The following CCL14 variants were observed in gnomAD, a reference collection of about 807,000 sequenced individuals.
CCL14 encodes the protein C-C motif chemokine ligand 14.
In CCL14, 8 loss-of-function variants were observed where a neutral mutation model predicts 8.2. The ratio of observed to expected loss-of-function variants is 0.98; its 90% confidence interval spans 0.57 to 1.76. The LOEUF is 1.76. Among genes scored for constraint, CCL14 ranks in the 40% most tolerant of loss-of-function variants. The pLI, the probability that CCL14 is intolerant of heterozygous loss-of-function variation, is 0.00. For synonymous variants in CCL14, 50 were observed against 43.2 expected (o/e 1.16, Z -0.62); for missense variants, 127 against 118.3 (o/e 1.07, Z -0.34).
At position 35,986,563 on chromosome 17, in the gene CCL14, G is replaced by A. The variant is rs183367107; in HGVS notation, c.79+8C>T. 3.7e-6 allele frequency: 6 copies of A among 1,609,144 alleles called. No homozygotes were observed. The South Asian group carries it at 4.4e-5, about 12-fold the overall frequency. On this transcript the variant is annotated splice_region_variant and intron_variant, in intron 1 of 2. Transcript: ENST00000618404. ...TAGGTTGGAAGGAAGACAAGGCATT[G>A]CACTCACGTGAGGAGGATTCAGTCT...
chr17:35,986,252 A>G (rs2089767026), intron 1 of CCL14: 3 of 392,906 alleles, frequency 7.6e-6, no homozygotes, highest in South Asian at 5.0e-5. Context: ...ACTAGAGGGC[A>G]TTTGGGGTAG....
chr17:35,984,221 T>G, intron 2 of CCL14, 117 bp downstream of exon 2: 1 of 760,754 alleles, frequency 1.3e-6, no homozygotes, highest in Non-Finnish European at 2.3e-6. Context: ...CCTCTCCCCA[T>G]GTAGTCACAC....
chr17:35,985,893 A>G, intron 1 of CCL14: 1 of 959,692 alleles, frequency 1.0e-6, no homozygotes, highest in Non-Finnish European at 1.6e-6. Flanking sequence ...AAGGGGGCCT[A>G]GGATGGACCC....
At chr17:35,986,063 C>T in intron 1 of CCL14, 1 of 502,212 alleles carries the variant, frequency 2.0e-6, no homozygotes, top group Non-Finnish European at 3.5e-6. Flanking sequence ...AGGAAATATA[C>T]CCCAAATGGG....
chr17:35,984,122 C>T (rs1361830826), intron 2 of CCL14, among the ~76,000 whole-genome samples: 2 of 151,926 alleles, frequency 1.3e-5, no homozygotes, highest in East Asian at 3.9e-4. Context: ...CTTCTTCTCC[C>T]TTCTCTGTCA....
intron 1 of CCL14, chr17:35,985,881 A>G: frequency 1.8e-6 from 2 of 1,131,964 alleles, no homozygotes; most frequent in East Asian, 2.6e-5. Context: ...ATCAGCTGAG[A>G]AAAGGGGGCC....
In CCL14 at chr17:35,983,598, C is replaced by A. The variant is rs55913087; in HGVS notation, c.*203G>T. 1,688 of 511,472 alleles carry A rather than the reference C, an allele frequency of 3.3e-3. 11 individuals carry two copies. The highest frequency in any genetic ancestry group is 0.025 in the African/African-American group (1,337 of 52,544). The allele number at this position is 511,472 out of a possible 1,614,324, so 31.7% of individuals were successfully genotyped here. On this transcript the variant is annotated 3_prime_UTR_variant, in exon 3 of 3. Transcript: ENST00000618404. Reference sequence around the variant, plus strand: ...AGGCTTGATGCCGAGGGTGCCACACCCTGGTGTCCTCAGTGCATGGCCAAT... The same window carrying A: ...AGGCTTGATGCCGAGGGTGCCACACACTGGTGTCCTCAGTGCATGGCCAAT...
In CCL14 at chr17:35,983,540, T is replaced by G. The variant is rs961584853; in HGVS notation, c.*261A>C. 5.5e-5 allele frequency: 25 copies of G among 452,732 alleles called. No homozygotes were observed. The highest frequency in any genetic ancestry group is 1.1e-4 in the Admixed American group (3 of 28,144). 28.0% of individuals were successfully genotyped at this position (452,732 alleles called of 1,614,324 possible). On this transcript the variant is annotated 3_prime_UTR_variant, in exon 3 of 3. Transcript: ENST00000618404. ...TGCATTGCAGGCCTGACCTATTTTT[T>G]GTACCAGGCTCCAGCAAAACTTCTG...
chr17:35,983,896 G>T lies in CCL14; in HGVS notation c.195-8C>A, dbSNP rs1162597271. On this transcript the variant is annotated splice_region_variant and splice_polypyrimidine_tract_variant and intron_variant, in intron 2 of 2. Coordinates refer to ENST00000618404, the MANE Select transcript of CCL14 (RefSeq NM_032963.4). ...CCCCTTTTGGTGATGAAGCTGTGGA[G>T]CAAGAGGGAGAAGGATCACAAACCG... 1 of 1,608,138 alleles carries T rather than the reference G, an allele frequency of 6.2e-7. No individual in the cohort carries two copies. The highest frequency in any genetic ancestry group is 8.5e-7 in the Non-Finnish European group (1 of 1,174,598).
At chr17:35,985,752 C>G (rs1265410441) in intron 1 of CCL14, 1 of 1,551,380 alleles carries the variant, frequency 6.4e-7, no homozygotes, top group Non-Finnish European at 8.7e-7. Context: ...ACATACCCAC[C>G]AACTTTAGCT....
intron 1 of CCL14, chr17:35,984,743 ATCT>A (rs971267385): frequency 7.4e-6 from 4 of 537,246 alleles, no homozygotes; most frequent in East Asian, 5.8e-5. Context: ...GCACACTCAG[ATCT>A]TCTTACACCA....
Position 35,983,616 on chromosome 17 carries a change from T to C in CCL14, c.*185A>G, listed in dbSNP as rs1250215883. The C allele has an allele frequency of 6.8e-6, 4 of 591,506 alleles. No homozygotes were observed. Among genetic ancestry groups the C allele is most frequent in the Non-Finnish European group, 9.1e-6 (3 of 329,978 alleles). 36.6% of individuals were successfully genotyped at this position (591,506 alleles called of 1,614,324 possible). A position where few individuals can be genotyped will look rare whatever the true frequency, so the allele number is the denominator to read the frequency against. ...GCCACACCCTGGTGTCCTCAGTGCA[T>C]GGCCAATGAGTAAATCCCGTAGAAA... On this transcript the variant is annotated 3_prime_UTR_variant, in exon 3 of 3. Transcript: ENST00000618404.
chr17:35,984,205 C>T, intron 2 of CCL14, 133 bp downstream of exon 2: 1 of 694,146 alleles, frequency 1.4e-6, no homozygotes, highest in Middle Eastern at 3.9e-4. Context: ...GATTGCCCCT[C>T]AGCTGCCTCT....
intron 1 of CCL14, chr17:35,985,002 G>A (rs1470694173): frequency 6.0e-6 from 1 of 165,900 alleles, no homozygotes; most frequent in East Asian, 1.7e-4. Context: ...AAGGACAAAG[G>A]CCACAGAGTC....
chr17:35,986,250 G>T, intron 1 of CCL14: 1 of 397,304 alleles, frequency 2.5e-6, no homozygotes, highest in Non-Finnish European at 4.5e-6. Context: ...AGACTAGAGG[G>T]CATTTGGGGT....
Position 35,983,669 on chromosome 17 carries a change from G to A in CCL14, c.*132C>T. The A allele has an allele frequency of 1.4e-6, 1 of 694,536 alleles. No homozygotes were observed. Among genetic ancestry groups the A allele is most frequent in the East Asian group, 2.5e-5 (1 of 39,304 alleles). 43.0% of individuals were successfully genotyped at this position (694,536 alleles called of 1,614,324 possible). ...AATGAGGCCAGGGAAGAGCATGAGT[G>A]GTCTTTAATTCAAAGCAGGGAAGCT... On this transcript the variant is annotated 3_prime_UTR_variant, in exon 3 of 3. Transcript: ENST00000618404.
chr17:35,986,299 T>C (rs2089767973), intron 1 of CCL14: 1 of 459,830 alleles, frequency 2.2e-6, no homozygotes, highest in East Asian at 3.5e-5. Context: ...TCAAGTCTCA[T>C]TGGTCAAGGC....
chr17:35,985,852 A>G (rs1414721230), intron 1 of CCL14: 3 of 1,386,046 alleles, frequency 2.2e-6, no homozygotes, highest in Admixed American at 2.0e-5. Flanking sequence ...TTATCTCTAA[A>G]GGCAGCTTAT....
Position 35,984,389 on chromosome 17 carries a change from C to T in CCL14, c.143G>A (p.Arg48Gln), listed in dbSNP as rs201876342. ...GTTGGTCTCATAGTAATCCATAATC[C>T]GCTGACGCGGGATCTTGTAGGTAGT... ...TYTTYKIPRQRIMDYYETNSQ... is the reference protein window; with the variant it reads ...TYTTYKIPRQQIMDYYETNSQ... Residue 48 changes from arginine (R) to glutamine (Q), a missense_variant, in exon 2 of 3, where the codon CGG (arginine) becomes CAG (glutamine). Transcript: ENST00000618404. The T allele has an allele frequency of 4.7e-5, 76 of 1,613,876 alleles. No individual in the cohort carries two copies. In the Middle Eastern group the frequency reaches 6.7e-4, roughly 14 times the overall value.
Sources: gnomAD v4.1 joint callset for allele counts (sites outside exome capture counted in the v4.1 genomes callset) on GRCh38, gnomAD v4.1.1 for gene constraint, MANE v1.5 for transcripts, NCBI Gene and HGNC (gene_info 2026-07-23, HGNC 2026-07-21) for gene names.